EBF3: variants seen among roughly 807,000 people sequenced by gnomAD.
EBF3 encodes transcription factor COE3.
EBF3 carries 18 observed loss-of-function variants against 77.1 expected under a neutral mutation model. That is an observed-to-expected ratio of 0.23 (90% confidence interval 0.16 to 0.35). The LOEUF is 0.35. Among genes scored for constraint, EBF3 ranks in the 10% least tolerant of loss-of-function variants. The pLI is 1.00. For synonymous variants in EBF3, 350 were observed against 343.5 expected (o/e 1.02, Z -0.21); for missense variants, 558 against 860.0 (o/e 0.65, Z 4.39).
rs1328122945 is a variant in EBF3, at chr10:129,837,667, C to T, written c.*276G>A. 1 of 415,978 alleles carries T rather than the reference C, an allele frequency of 2.4e-6. No homozygotes were observed. The highest frequency in any genetic ancestry group is 4.3e-6 in the Non-Finnish European group (1 of 234,738). The allele number at this position is 415,978 out of a possible 1,614,324, so 25.8% of individuals were successfully genotyped here. A position where few individuals can be genotyped will look rare whatever the true frequency, so the allele number is the denominator to read the frequency against. ...TACAAAATAGGCGTCGCTTTGTTTT[C>T]CTTATTCTTCAGGACTGAGAAATGT... On this transcript the variant is annotated 3_prime_UTR_variant, in exon 17 of 17. Transcript: ENST00000440978.
chr10:129,942,742 ATCAG>A (rs1486490471), intron 6 of EBF3, among the ~76,000 whole-genome samples: 2 of 152,236 alleles, frequency 1.3e-5, no homozygotes, highest in Non-Finnish European at 2.9e-5. Context: ...GGAATGTACC[ATCAG>A]TAAGATCTTA....
intron 6 of EBF3, among the ~76,000 whole-genome samples, chr10:129,941,997 C>A (rs1314940055): frequency 6.6e-6 from 1 of 152,118 alleles, no homozygotes; most frequent in African/African-American, 2.4e-5. Flanking sequence ...GAATGGAGCC[C>A]CCCCACCCCA....
chr10:129,963,088 G>A lies in EBF3; in HGVS notation c.292-83C>T. On this transcript the variant is annotated intron_variant, in intron 2 of 16. Coordinates refer to ENST00000440978, the MANE Select transcript of EBF3 (RefSeq NM_001375380.1). The surrounding 1 kb of genome is among the most constrained non-coding windows in gnomAD (Gnocchi z 7.1). ...CGCTCGGTCCCCCTCCGCGACCGAG[G>A]CTCTCGGCCTCACACATGGCAGGAT... is the stretch of plus-strand genomic sequence containing the variant. 1 of 1,524,750 alleles carries A rather than the reference G, an allele frequency of 6.6e-7. No individual in the cohort carries two copies. Among genetic ancestry groups the A allele is most frequent in the East Asian group, 2.3e-5 (1 of 44,384 alleles). 94.5% of individuals were successfully genotyped at this position (1,524,750 alleles called of 1,614,324 possible).
At chr10:129,840,699 G>C (rs561609759) in intron 14 of EBF3, 145 bp downstream of exon 14, 1 of 1,237,662 alleles carries the variant, frequency 8.1e-7, no homozygotes, top group East Asian at 2.4e-5. Context: ...GTCAATTTAC[G>C]GTCGCCATTT....
chr10:129,865,087 C>T (rs1851906013), intron 10 of EBF3, among the ~76,000 whole-genome samples: 1 of 152,144 alleles, frequency 6.6e-6, no homozygotes, highest in South Asian at 2.1e-4. Flanking sequence ...GCCAGATGTG[C>T]CAAGGGACTC....
rs141618899 is a variant in EBF3, at chr10:129,943,405, C to T, written c.554+13853G>A. ...CAAGAAGGTTGTCTTATAGGCTTGG[C>T]TGGATAATTTCATTTTAAAAGTATC... On this transcript the variant is annotated intron_variant, in intron 6 of 16. Transcript: ENST00000440978. The surrounding 1 kb of genome is among the most constrained non-coding windows in gnomAD (Gnocchi z 8.8). 5.1e-4 allele frequency among the ~76,000 whole-genome samples: 78 copies of T among 152,348 alleles called. No individual in the cohort carries two copies. Among genetic ancestry groups the T allele is most frequent in the African/African-American group, 1.9e-3 (78 of 41,576 alleles).
rs146265008 is a variant in EBF3 at position 129,951,517 on chromosome 10, G to A, written c.554+5741C>T. ...GGTTTTCACCCTTGCACAGGCAGAC[G>A]GGAATCCGAGTTGGTGGAGAGTGAT... On this transcript the variant is annotated intron_variant, in intron 6 of 16. Coordinates refer to ENST00000440978, the MANE Select transcript of EBF3 (RefSeq NM_001375380.1). Among the ~76,000 whole-genome samples the A allele has an allele frequency of 1.4e-3, 217 of 152,392 alleles. 2 individuals are homozygous for A. Among genetic ancestry groups the A allele is most frequent in the African/African-American group, 5.1e-3 (213 of 41,598 alleles).
At chr10:129,910,363 C>T (rs1193786154) in intron 6 of EBF3, among the ~76,000 whole-genome samples, 1 of 152,214 alleles carries the variant, frequency 6.6e-6, no homozygotes, top group South Asian at 2.1e-4. Context: ...AACCCTAACA[C>T]TTACAAAATT....
intron 8 of EBF3, among the ~76,000 whole-genome samples, chr10:129,869,600 G>T (rs556392030): frequency 1.0e-3 from 158 of 152,316 alleles, no homozygotes; most frequent in African/African-American, 3.6e-3. Flanking sequence ...GGAAGCCCGC[G>T]TGCCGTGGTT....
Position 129,962,837 on chromosome 10 carries a change from G to A in EBF3, c.355+105C>T, listed in dbSNP as rs565526105. 1.3e-4 allele frequency: 172 copies of A among 1,355,252 alleles called. 1 individual carries two copies. In the South Asian group the frequency reaches 1.9e-3, roughly 15 times the overall value. 84.0% of individuals were successfully genotyped at this position (1,355,252 alleles called of 1,614,324 possible). ...CTTCTATGCCATGAGAAGATTTCGT[G>A]TTTACATCCATGTCATTTTAATCTC... On this transcript the variant is annotated intron_variant, in intron 3 of 16. Coordinates refer to ENST00000440978, the MANE Select transcript of EBF3 (RefSeq NM_001375380.1).
intron 6 of EBF3, among the ~76,000 whole-genome samples, chr10:129,955,963 C>G (rs933124290): frequency 2.6e-5 from 4 of 152,194 alleles, no homozygotes; most frequent in Non-Finnish European, 4.4e-5. Context: ...TCCATGGCCA[C>G]AACACTAAAG....
chr10:129,921,106 CAA>C (rs1281520721), intron 6 of EBF3, among the ~76,000 whole-genome samples: 3 of 152,186 alleles, frequency 2.0e-5, no homozygotes, highest in Non-Finnish European at 2.9e-5. Flanking sequence ...ACAAAGCAAA[CAA>C]GAGAAAACAG....
intron 6 of EBF3, among the ~76,000 whole-genome samples, chr10:129,931,527 G>A (rs1857026705): frequency 6.6e-6 from 1 of 152,216 alleles, no homozygotes; most frequent in Non-Finnish European, 1.5e-5. Context: ...ATGACATATA[G>A]CAAGTAGCCC....
At position 129,943,416 on chromosome 10, in the gene EBF3, CATTTTA is replaced by C. The variant is rs888803952; in HGVS notation, c.554+13836_554+13841del. ...TCTTATAGGCTTGGCTGGATAATTT[CATTTTA>C]AAAGTATCGCTAAAATTTGATGTCC... On this transcript the variant is annotated intron_variant, in intron 6 of 16. Coordinates refer to ENST00000440978, the MANE Select transcript of EBF3 (RefSeq NM_001375380.1). The surrounding 1 kb of genome is among the most constrained non-coding windows in gnomAD (Gnocchi z 8.8). Among the ~76,000 whole-genome samples, 1 of 152,176 alleles carries C rather than the reference CATTTTA, an allele frequency of 6.6e-6. No homozygotes were observed. Among genetic ancestry groups the C allele is most frequent in the Non-Finnish European group, 1.5e-5 (1 of 68,010 alleles).
chr10:129,924,507 C>T lies in EBF3; in HGVS notation c.554+32751G>A, dbSNP rs184549987. ...ATGGAGAAACTGGAACCCTTGAGCA[C>T]CCCACTGTGGGTGTGGATGAGAAAC... On this transcript the variant is annotated intron_variant, in intron 6 of 16. Coordinates refer to ENST00000440978, the MANE Select transcript of EBF3 (RefSeq NM_001375380.1). 3.1e-3 allele frequency among the ~76,000 whole-genome samples: 465 copies of T among 151,450 alleles called. 2 individuals carry two copies. Among genetic ancestry groups the T allele is most frequent in the African/African-American group, 0.01 (433 of 41,286 alleles).
At chr10:129,924,728 A>G (rs1856549192) in intron 6 of EBF3, among the ~76,000 whole-genome samples, 1 of 152,178 alleles carries the variant, frequency 6.6e-6, no homozygotes, top group African/African-American at 2.4e-5. Context: ...GTGCCGTAGC[A>G]TGATCATGGC....
rs1360352617 is a variant in EBF3 at position 129,885,690 on chromosome 10, G to A, written c.555-7841C>T. 2.0e-5 allele frequency among the ~76,000 whole-genome samples: 3 copies of A among 151,982 alleles called. No homozygotes were observed. Among genetic ancestry groups the A allele is most frequent in the South Asian group, 4.2e-4 (2 of 4,812 alleles). On this transcript the variant is annotated intron_variant, in intron 6 of 16. Transcript: ENST00000440978. This position sits in a 1 kb window ranked among gnomAD's most constrained non-coding sequence, Gnocchi z 4.0. ...CAGTCTGTATTTTGTCTTTCGCTGC[G>A]GGCTCATTAAAACAGCTTCCTCTCT...
intron 6 of EBF3, among the ~76,000 whole-genome samples, chr10:129,898,829 C>T (rs961602127): frequency 3.3e-5 from 5 of 152,234 alleles, no homozygotes; most frequent in Non-Finnish European, 5.9e-5. Context: ...CGCTGCCCCT[C>T]CTCCCGCGCC....
In EBF3 at chr10:129,848,624, TAAGG is replaced by T; in HGVS notation, c.1040-148_1040-145del. 1.2e-6 allele frequency: 1 copy of T among 802,490 alleles called. No homozygotes were observed. Among genetic ancestry groups the T allele is most frequent in the Non-Finnish European group, 2.1e-6 (1 of 474,658 alleles). The allele number at this position is 802,490 out of a possible 1,614,324, so 49.7% of individuals were successfully genotyped here. A position where few individuals can be genotyped will look rare whatever the true frequency, so the allele number is the denominator to read the frequency against. ...GCACCCCTGAATACTAGCTGTGTCT[TAAGG>T]AATAGATTTTCCCCCTTTCTTTTGC... On this transcript the variant is annotated intron_variant, in intron 10 of 16. Transcript: ENST00000440978. This position sits in a 1 kb window ranked among gnomAD's most constrained non-coding sequence, Gnocchi z 4.4.
Sources: allele counts gnomAD v4.1 joint callset (sites outside exome capture counted in the v4.1 genomes callset), GRCh38; gene constraint gnomAD v4.1.1; non-coding constraint Gnocchi (gnomAD v3.1); transcripts MANE v1.5; gene names NCBI Gene and HGNC (gene_info 2026-07-23, HGNC 2026-07-21).